FAT3: variants seen among roughly 807,000 people sequenced by gnomAD.
The protein encoded by FAT3 is protocadherin Fat 3.
Under a neutral mutation model 310.2 loss-of-function variants are expected in FAT3, and 95 were observed. The ratio of observed to expected loss-of-function variants is 0.31; its 90% confidence interval spans 0.26 to 0.36. The LOEUF (loss-of-function observed/expected upper bound fraction) is 0.36. Among genes scored for constraint, FAT3 ranks in the 10% least tolerant of loss-of-function variants. FAT3 has a pLI of 1.00. For missense variants in FAT3, 5,408 were observed against 5,715.6 expected (o/e 0.95, Z 1.74); for synonymous variants, 2,314 against 2,192.9 (o/e 1.06, Z -1.54).
chr11:92,233,011 C>G lies in FAT3; in HGVS notation c.-18+7837C>G, dbSNP rs560070681. 1.2e-4 allele frequency among the ~76,000 whole-genome samples: 19 copies of G among 152,196 alleles called. No homozygotes were observed. The East Asian group carries it at 1.4e-3, about 11-fold the overall frequency. On this transcript the variant is annotated intron_variant, in intron 1 of 27. Coordinates refer to ENST00000525166, the MANE Select transcript of FAT3 (RefSeq NM_001367949.2). ...CCTGACTGTTGGGCTGAAACAGTTT[C>G]TAATCATACAGAAGACTGAAATTCT...
At chr11:92,537,749 C>T (rs1025974273) in intron 3 of FAT3, among the ~76,000 whole-genome samples, 2 of 152,184 alleles carry the variant, frequency 1.3e-5, no homozygotes, top group African/African-American at 2.4e-5. Context: ...AATAATAATA[C>T]GTAATTTTGC....
chr11:92,405,716 A>C (rs1424779972), intron 2 of FAT3, among the ~76,000 whole-genome samples: 5 of 152,144 alleles, frequency 3.3e-5, no homozygotes, highest in Non-Finnish European at 2.9e-5. Flanking sequence ...ACACCACTGC[A>C]CTCTAGCCTG....
intron 1 of FAT3, among the ~76,000 whole-genome samples, chr11:92,301,387 T>C (rs1203360638): frequency 6.6e-6 from 1 of 152,114 alleles, no homozygotes; most frequent in African/African-American, 2.4e-5. Context: ...CCCTGCTCAC[T>C]GGGATGGAGG....
chr11:92,527,534 G>A (rs578119123), intron 3 of FAT3, among the ~76,000 whole-genome samples: 1 of 152,298 alleles, frequency 6.6e-6, no homozygotes, highest in Non-Finnish European at 1.5e-5. Context: ...ATGTCATCAT[G>A]ATGTGTTTGA....
chr11:92,738,103 G>C (rs1040815826), intron 4 of FAT3, among the ~76,000 whole-genome samples: 1 of 152,080 alleles, frequency 6.6e-6, no homozygotes, highest in Admixed American at 6.6e-5. Flanking sequence ...GAGAATTAAA[G>C]GTCTTAAGGT....
intron 3 of FAT3, among the ~76,000 whole-genome samples, chr11:92,561,643 T>G (rs776143131): frequency 3.9e-5 from 6 of 152,252 alleles, no homozygotes; most frequent in Non-Finnish European, 7.4e-5. Flanking sequence ...TATTTATTTT[T>G]GAGACGGAGT....
Position 92,844,263 on chromosome 11 carries a change from T to A in FAT3, c.10896T>A (p.Asp3632Glu). ...VSDGRFQVPI[D>E]VVVHVEQLVH... Reference sequence around the variant, plus strand: ...ATGGTCGCTTCCAGGTACCCATTGATGTGGTCGTGCATGTGGAGCAGTTGG... The same window carrying A: ...ATGGTCGCTTCCAGGTACCCATTGAAGTGGTCGTGCATGTGGAGCAGTTGG... The change falls in exon 19 of 28, where the codon GAT becomes GAA. Residue 3632 changes from aspartate to glutamate, a missense_variant. Physicochemically the swap from Asp to Glu is conservative, Grantham distance 45. This residue lies in a region of FAT3 where 4,588 missense variants were observed against 4,809.8 expected (regional missense o/e 0.95). Coordinates refer to ENST00000525166, the MANE Select transcript of FAT3 (RefSeq NM_001367949.2). 6.2e-7 allele frequency: 1 copy of A among 1,613,984 alleles called. No individual in the cohort carries two copies. The highest frequency in any genetic ancestry group is 8.5e-7 in the Non-Finnish European group (1 of 1,179,906).
At chr11:92,564,026 A>C (rs1177687479) in intron 3 of FAT3, among the ~76,000 whole-genome samples, 1 of 152,134 alleles carries the variant, frequency 6.6e-6, no homozygotes, top group African/African-American at 2.4e-5. Flanking sequence ...GATCAAATTC[A>C]CACATAACAA....
intron 1 of FAT3, among the ~76,000 whole-genome samples, chr11:92,261,491 C>G (rs1437329295): frequency 6.6e-6 from 1 of 152,048 alleles, no homozygotes; most frequent in Admixed American, 6.6e-5. Context: ...AGGAACAATG[C>G]TTTAGTTTTC....
intron 2 of FAT3, among the ~76,000 whole-genome samples, chr11:92,514,838 G>A (rs756001920): frequency 6.6e-6 from 1 of 152,142 alleles, no homozygotes; most frequent in Non-Finnish European, 1.5e-5. Context: ...TCTGAAATGT[G>A]AATGGGAATA....
intron 13 of FAT3, among the ~76,000 whole-genome samples, chr11:92,811,886 G>C (rs961699532): frequency 6.6e-6 from 1 of 152,116 alleles, no homozygotes; most frequent in Non-Finnish European, 1.5e-5. Flanking sequence ...ATTTCTTTTA[G>C]CTTTAAAATG....
rs1165851078 is a variant in FAT3, at chr11:92,801,322, G to A, written c.8309G>A (p.Arg2770His). The A allele has an allele frequency of 8.1e-6, 13 of 1,613,824 alleles. No individual in the cohort carries two copies. The highest frequency in any genetic ancestry group is 2.2e-5 in the South Asian group (2 of 91,084). Residue 2770 changes from arginine to histidine, a missense_variant, in exon 10 of 28, where the codon CGC (arginine) becomes CAC (histidine). By Grantham distance (29) the Arg-to-His change is conservative (BLOSUM62 0). This residue lies in a region of FAT3 where 4,588 missense variants were observed against 4,809.8 expected (regional missense o/e 0.95). Transcript: ENST00000525166. ...ACAGGCACTATTAAGCTTGACAAAC[G>A]CCTTGACCGTGAAACCAGCCCAGCT... Reference protein sequence around the residue: ...QETGTIKLDKRLDRETSPAFH... With the variant: ...QETGTIKLDKHLDRETSPAFH...
intron 1 of FAT3, among the ~76,000 whole-genome samples, chr11:92,325,617 G>C (rs1270038000): frequency 6.6e-6 from 1 of 152,112 alleles, no homozygotes; most frequent in Non-Finnish European, 1.5e-5. Context: ...GCAGCAGCTT[G>C]AGTGACATAG....
chr11:92,801,111 C>A lies in FAT3; in HGVS notation c.8098C>A (p.Pro2700Thr), dbSNP rs761969345. 4.3e-6 allele frequency: 7 copies of A among 1,613,902 alleles called. No individual in the cohort carries two copies. The Admixed American group carries it at 1.2e-4, about 27-fold the overall frequency. The change falls in exon 10 of 28, where the codon CCC becomes ACC. Residue 2700 changes from proline (P) to threonine (T), a missense_variant. Transcript: ENST00000525166. ...SLIPVYIHVL[P>T]PETFLPSFTQ... ...CATTCCTGTCTATATCCACGTCTTG[C>A]CCCCTGAAACGTTCTTGCCATCATT...
rs911422895 is a variant in FAT3, at chr11:92,761,924, T to C, written c.3738T>C (p.Asp1246=). The part of the protein sequence containing the change: ...STIWVVVQVL[D]ENDNKPQFPE... The stretch of plus-strand genomic sequence containing the variant: ...TTTGGGTGGTGGTTCAGGTTCTAGA[T>C]GAAAATGACAACAAGCCCCAGTTCC... The change falls in exon 5 of 28, where the codon GAT becomes GAC. Residue 1246 remains aspartate, a synonymous_variant. Coordinates refer to ENST00000525166, the MANE Select transcript of FAT3 (RefSeq NM_001367949.2). 6.2e-7 allele frequency: 1 copy of C among 1,613,914 alleles called. No individual in the cohort carries two copies. The highest frequency in any genetic ancestry group is 8.5e-7 in the Non-Finnish European group (1 of 1,179,860).
intron 1 of FAT3, among the ~76,000 whole-genome samples, chr11:92,271,095 C>T (rs1272839361): frequency 6.6e-6 from 1 of 152,110 alleles, no homozygotes; most frequent in Non-Finnish European, 1.5e-5. Context: ...TGCCTCTAGA[C>T]TCACACTCTA....
intron 2 of FAT3, among the ~76,000 whole-genome samples, chr11:92,397,877 A>G (rs936724293): frequency 6.6e-6 from 1 of 152,046 alleles, no homozygotes. Flanking sequence ...TGTAATCTAC[A>G]GTAGGAATTA....
intron 3 of FAT3, among the ~76,000 whole-genome samples, chr11:92,565,581 C>T (rs1955401391): frequency 6.6e-6 from 1 of 151,602 alleles, no homozygotes; most frequent in African/African-American, 2.4e-5. Flanking sequence ...AGAGAAACAA[C>T]CAAAAAAGAG....
intron 19 of FAT3, among the ~76,000 whole-genome samples, chr11:92,854,235 G>A (rs1175952319): frequency 1.3e-5 from 2 of 152,206 alleles, no homozygotes; most frequent in Admixed American, 6.5e-5. Context: ...AAATTGGAGT[G>A]GGTGCTGGGA....
Sources: allele counts gnomAD v4.1 joint callset (sites outside exome capture counted in the v4.1 genomes callset), GRCh38; gene constraint gnomAD v4.1.1; regional missense constraint gnomAD v4.1.1; transcripts MANE v1.5; gene names NCBI Gene and HGNC (gene_info 2026-07-23, HGNC 2026-07-21).